The following BCAR3 variants were observed in gnomAD, a reference collection of about 807,000 sequenced individuals.
The protein encoded by BCAR3 is BCAR3 adaptor protein, NSP family member, also known as breast cancer anti-estrogen resistance protein 3.
In BCAR3, 37 loss-of-function variants were observed where a neutral mutation model predicts 80.1. The observed-to-expected ratio is 0.46, with a 90% CI of 0.36 to 0.61. The LOEUF is 0.61. Ranked by LOEUF, BCAR3 falls within the 20% of genes least tolerant of loss-of-function variation. BCAR3 has a pLI of 0.00. For missense variants in BCAR3, 978 were observed against 1,068.2 expected (o/e 0.92, Z 1.18); for synonymous variants, 389 against 418.9 (o/e 0.93, Z 0.87).
intron 2 of BCAR3, among the ~76,000 whole-genome samples, chr1:93,839,216 C>A (rs1288966564): frequency 6.6e-6 from 1 of 152,036 alleles, no homozygotes; most frequent in Non-Finnish European, 1.5e-5. Flanking sequence ...TCGCTTGAAT[C>A]GTGGAGGTTG....
At chr1:93,796,993 T>G (rs1265574026) in intron 2 of BCAR3, among the ~76,000 whole-genome samples, 2 of 152,210 alleles carry the variant, frequency 1.3e-5, no homozygotes, top group Non-Finnish European at 2.9e-5. Flanking sequence ...GCTGAAGCCC[T>G]AAGAGTACAG....
At position 93,592,490 on chromosome 1, in the gene BCAR3, T is replaced by C. The variant is rs1674255049; in HGVS notation, c.358-97A>G. ...CCTGCTTCACTAATCCAACCAGTTATGCTACAGCCTGCATTCAGGTAGGGG... is the reference window on the plus strand; with the variant it reads ...CCTGCTTCACTAATCCAACCAGTTACGCTACAGCCTGCATTCAGGTAGGGG... On this transcript the variant is annotated intron_variant, in intron 3 of 11. Coordinates refer to ENST00000260502, the MANE Select transcript of BCAR3 (RefSeq NM_003567.4). This position sits in a 1 kb window ranked among gnomAD's most constrained non-coding sequence, Gnocchi z 4.8. 12 of 1,442,036 alleles carry C rather than the reference T, an allele frequency of 8.3e-6. No homozygotes were observed. The highest frequency in any genetic ancestry group is 8.3e-6 in the Non-Finnish European group (9 of 1,083,922). 89.3% of individuals were successfully genotyped at this position (1,442,036 alleles called of 1,614,324 possible).
chr1:93,612,672 G>C (rs1209026838), intron 3 of BCAR3, among the ~76,000 whole-genome samples: 1 of 152,120 alleles, frequency 6.6e-6, no homozygotes, highest in Non-Finnish European at 1.5e-5. Flanking sequence ...TACTGTTAAT[G>C]GCATGACTTC....
At chr1:93,611,940 T>C (rs1322571578) in intron 3 of BCAR3, among the ~76,000 whole-genome samples, 2 of 152,210 alleles carry the variant, frequency 1.3e-5, no homozygotes, top group East Asian at 1.9e-4. Context: ...TGGTCAAGAA[T>C]TGGAGCTTTA....
At chr1:93,653,913 A>C (rs1647243545) in intron 2 of BCAR3, among the ~76,000 whole-genome samples, 1 of 152,194 alleles carries the variant, frequency 6.6e-6, no homozygotes, top group Admixed American at 6.5e-5. Context: ...ATGCCACCTG[A>C]GCGCAGGCCA....
chr1:93,610,948 T>C (rs1356050137), intron 3 of BCAR3, among the ~76,000 whole-genome samples: 1 of 151,562 alleles, frequency 6.6e-6, no homozygotes, highest in Non-Finnish European at 1.5e-5. Flanking sequence ...AGCACTAGGC[T>C]TCAGCCCAGA....
intron 3 of BCAR3, among the ~76,000 whole-genome samples, chr1:93,694,100 C>T (rs913835058): frequency 1.3e-5 from 2 of 152,218 alleles, no homozygotes; most frequent in African/African-American, 4.8e-5. Context: ...CAGATCTGAC[C>T]AGGATTCTAA....
intron 3 of BCAR3, among the ~76,000 whole-genome samples, chr1:93,613,338 T>C (rs1675010784): frequency 6.6e-6 from 1 of 152,166 alleles, no homozygotes; most frequent in Admixed American, 6.5e-5. Flanking sequence ...TTATAACAAA[T>C]GTTAAAATGT....
intron 2 of BCAR3, among the ~76,000 whole-genome samples, chr1:93,736,999 C>T (rs115874166): frequency 2.2e-4 from 33 of 152,342 alleles, no homozygotes; most frequent in African/African-American, 7.2e-4. Context: ...TGGGATGGGG[C>T]TCTCTAACCT....
chr1:93,706,959 G>A (rs540611312), intron 2 of BCAR3, among the ~76,000 whole-genome samples: 61 of 152,174 alleles, frequency 4.0e-4, no homozygotes, highest in African/African-American at 1.4e-3. Context: ...GGTGGATCAC[G>A]AGGTCAGGAG....
chr1:93,786,471 A>C (rs553155264), intron 2 of BCAR3, among the ~76,000 whole-genome samples: 4 of 152,214 alleles, frequency 2.6e-5, no homozygotes, highest in Non-Finnish European at 4.4e-5. Context: ...CATGGAGAGC[A>C]GAGACAAAGC....
At chr1:93,760,749 C>T (rs1651911323) in intron 2 of BCAR3, among the ~76,000 whole-genome samples, 2 of 152,276 alleles carry the variant, frequency 1.3e-5, no homozygotes, top group South Asian at 4.2e-4. Flanking sequence ...ACTCATCTCC[C>T]AGCAAACATA....
Position 93,675,925 on chromosome 1 carries a change from C to CAAAAA in BCAR3, c.-11-989_-11-985dup, listed in dbSNP as rs58706715. Among the ~76,000 whole-genome samples, 229 of 51,426 alleles carry CAAAAA rather than the reference C, an allele frequency of 4.5e-3. 9 individuals carry two copies. The highest frequency in any genetic ancestry group is 0.031 in the East Asian group (34 of 1,108). 33.7% of individuals were successfully genotyped at this position (51,426 alleles called of 152,430 possible). On this transcript the variant is annotated intron_variant, in intron 1 of 11. Transcript: ENST00000260502. ...CACACAGAGGAAAAGAAATAGGAGA[C>CAAAAA]AAAAAAAAAAAAAAAAAAAAAAAAA...
intron 3 of BCAR3, among the ~76,000 whole-genome samples, chr1:93,691,999 T>G (rs1034359913): frequency 6.6e-6 from 1 of 152,322 alleles, no homozygotes; most frequent in South Asian, 2.1e-4. Flanking sequence ...AAAAATGCCA[T>G]GATGAAAAGT....
At chr1:93,727,067 T>C (rs1650610430) in intron 2 of BCAR3, among the ~76,000 whole-genome samples, 1 of 152,228 alleles carries the variant, frequency 6.6e-6, no homozygotes, top group Admixed American at 6.5e-5. Flanking sequence ...GTTCCTTCCA[T>C]TGACTCTTGT....
intron 2 of BCAR3, among the ~76,000 whole-genome samples, chr1:93,818,529 T>C (rs1321908115): frequency 6.6e-6 from 1 of 152,222 alleles, no homozygotes; most frequent in Non-Finnish European, 1.5e-5. Flanking sequence ...GTTCTGCCAC[T>C]TCCTAGCTGT....
intron 11 of BCAR3, among the ~76,000 whole-genome samples, chr1:93,563,726 T>G (rs891403661): frequency 4.6e-5 from 7 of 152,234 alleles, no homozygotes; most frequent in African/African-American, 1.4e-4. Flanking sequence ...GGAGTCTCGC[T>G]GTGTTGCCCA....
chr1:93,702,046 CA>C (rs1198541473), intron 3 of BCAR3, among the ~76,000 whole-genome samples: 6 of 152,046 alleles, frequency 3.9e-5, no homozygotes, highest in Admixed American at 3.9e-4. Context: ...GCTTTCTCCA[CA>C]AAAGAAACCT....
chr1:93,659,253 C>T (rs545499584), intron 2 of BCAR3, among the ~76,000 whole-genome samples: 2 of 152,220 alleles, frequency 1.3e-5, no homozygotes, highest in Non-Finnish European at 1.5e-5. Context: ...AACATTGGTT[C>T]ACTGCAGCCT....
Sources: allele counts gnomAD v4.1 joint callset (sites outside exome capture counted in the v4.1 genomes callset), GRCh38; gene constraint gnomAD v4.1.1; non-coding constraint Gnocchi (gnomAD v3.1); transcripts MANE v1.5; gene names NCBI Gene and HGNC (gene_info 2026-07-23, HGNC 2026-07-21).